Variants in MEGF11 observed in about 807,000 individuals in gnomAD.
MEGF11 encodes the protein multiple epidermal growth factor-like domains protein 11.
A neutral mutation model predicts 146.6 loss-of-function variants in MEGF11; 126 were observed. The observed-to-expected ratio is 0.86, with a 90% confidence interval of 0.74 to 1.00. MEGF11 has a LOEUF of 1.00. MEGF11 is among the 50% of genes least tolerant of loss of function. The pLI, the probability that MEGF11 is intolerant of heterozygous loss-of-function variation, is 0.00. For synonymous variants in MEGF11, 532 were observed against 583.4 expected (o/e 0.91, Z 1.27); for missense variants, 1,509 against 1,521.2 (o/e 0.99, Z 0.13).
rs190003183 is a variant in MEGF11, at chr15:66,164,232, G to T, written c.-8-35821C>A. ...GTGGCAGAGAGGTCTGATGGCAGAA[G>T]TTCAATGGATGGACAGAGAAGGGCC... On this transcript the variant is annotated intron_variant, in intron 1 of 25. Transcript: ENST00000395614. 1.1e-4 allele frequency among the ~76,000 whole-genome samples: 17 copies of T among 152,218 alleles called. No homozygotes were observed. In the East Asian group the frequency reaches 2.7e-3, roughly 24 times the overall value.
intron 5 of MEGF11, among the ~76,000 whole-genome samples, chr15:66,036,331 C>A (rs2083724931): frequency 6.6e-6 from 1 of 152,254 alleles, no homozygotes; most frequent in Non-Finnish European, 1.5e-5. Flanking sequence ...AAGCTCCCTG[C>A]ACACTGGTTC....
At chr15:66,246,082 C>A (rs1011437403) in intron 1 of MEGF11, among the ~76,000 whole-genome samples, 1 of 151,984 alleles carries the variant, frequency 6.6e-6, no homozygotes, top group Non-Finnish European at 1.5e-5. Flanking sequence ...CACAGTGAGA[C>A]CCTTTCTCTA....
chr15:66,240,907 G>A (rs2092196267), intron 1 of MEGF11, among the ~76,000 whole-genome samples: 1 of 152,174 alleles, frequency 6.6e-6, no homozygotes, highest in South Asian at 2.1e-4. Flanking sequence ...TATTAAGTAT[G>A]TATTAGATGT....
chr15:66,071,337 C>T (rs1189372566), intron 5 of MEGF11, among the ~76,000 whole-genome samples: 5 of 152,138 alleles, frequency 3.3e-5, no homozygotes, highest in African/African-American at 1.2e-4. Context: ...GGGTGCCGTG[C>T]CAGCCTCTGA....
At chr15:66,068,670 C>A (rs1337428827) in intron 5 of MEGF11, among the ~76,000 whole-genome samples, 1 of 152,216 alleles carries the variant, frequency 6.6e-6, no homozygotes, top group African/African-American at 2.4e-5. Flanking sequence ...GTCCAAGCCT[C>A]TTCCATCAGG....
At chr15:66,117,602 C>T (rs2087792737) in intron 4 of MEGF11, among the ~76,000 whole-genome samples, 1 of 152,224 alleles carries the variant, frequency 6.6e-6, no homozygotes, top group South Asian at 2.1e-4. Flanking sequence ...GAGTCCATCA[C>T]TGGGCCCTGA....
intron 4 of MEGF11, among the ~76,000 whole-genome samples, chr15:66,095,504 G>C (rs2086506743): frequency 6.6e-6 from 1 of 152,246 alleles, no homozygotes; most frequent in South Asian, 2.1e-4. Flanking sequence ...GCCTGGGCTA[G>C]GGGAGCAGAT....
At chr15:65,935,322 G>GAAAAAAAAAAAAAAAAAAA (rs71139449) in intron 10 of MEGF11, among the ~76,000 whole-genome samples, 1 of 35,204 alleles carries the variant, frequency 2.8e-5, no homozygotes, top group Non-Finnish European at 4.8e-5. Flanking sequence ...TCCGTCTCAA[G>GAAAAAAAAAAAAAAAAAAA]AAAAAAAAAA....
intron 1 of MEGF11, among the ~76,000 whole-genome samples, chr15:66,215,409 C>G (rs2091559748): frequency 1.3e-5 from 2 of 152,164 alleles, no homozygotes; most frequent in African/African-American, 2.4e-5. Context: ...ATTTACACAT[C>G]TTATTTCATT....
chr15:66,009,754 G>A lies in MEGF11; in HGVS notation c.395-27266C>T, dbSNP rs112749653. ...ACTACAGACACATGCCAACGTGCCT[G>A]GCTAATTTTTTTTGAATTTTTAGTA... On this transcript the variant is annotated intron_variant, in intron 5 of 25. Coordinates refer to ENST00000395614, the MANE Select transcript of MEGF11 (RefSeq NM_001385028.1). 2.0e-3 allele frequency among the ~76,000 whole-genome samples: 308 copies of A among 151,984 alleles called. 3 individuals carry two copies. Among genetic ancestry groups the A allele is most frequent in the African/African-American group, 7.1e-3 (294 of 41,478 alleles).
At chr15:66,048,439 C>G (rs924809900) in intron 5 of MEGF11, among the ~76,000 whole-genome samples, 1 of 152,254 alleles carries the variant, frequency 6.6e-6, no homozygotes, top group Non-Finnish European at 1.5e-5. Flanking sequence ...TGGATTTCAA[C>G]AAGGGACAGA....
At chr15:66,027,838 C>T (rs962120043) in intron 5 of MEGF11, among the ~76,000 whole-genome samples, 3 of 152,176 alleles carry the variant, frequency 2.0e-5, no homozygotes, top group Non-Finnish European at 2.9e-5. Context: ...CCCAGGCTAG[C>T]GTTCTTAAGC....
chr15:66,066,986 T>G (rs891602572), intron 5 of MEGF11, among the ~76,000 whole-genome samples: 2 of 152,230 alleles, frequency 1.3e-5, no homozygotes, highest in East Asian at 3.8e-4. Context: ...CTAATCTGCC[T>G]GCGCCCAGCT....
At chr15:65,920,379 C>T (rs941387180) in intron 15 of MEGF11, among the ~76,000 whole-genome samples, 14 of 152,366 alleles carry the variant, frequency 9.2e-5, no homozygotes, top group East Asian at 1.9e-4. Context: ...CCAGCCTCTT[C>T]TTTCCTACCT....
At chr15:66,102,319 CA>C (rs1353035972) in intron 4 of MEGF11, among the ~76,000 whole-genome samples, 5 of 150,292 alleles carry the variant, frequency 3.3e-5, no homozygotes, top group Non-Finnish European at 5.9e-5. Flanking sequence ...CAAGCAGAGC[CA>C]TGACTAGGCT....
intron 1 of MEGF11, among the ~76,000 whole-genome samples, chr15:66,164,170 A>T (rs2090035881): frequency 6.6e-6 from 1 of 152,150 alleles, no homozygotes; most frequent in Non-Finnish European, 1.5e-5. Flanking sequence ...ATGTTTCTGG[A>T]GGCTGGAAGT....
chr15:66,236,223 C>T (rs556340819), intron 1 of MEGF11, among the ~76,000 whole-genome samples: 1 of 152,100 alleles, frequency 6.6e-6, no homozygotes, highest in East Asian at 1.9e-4. Context: ...GGACCAGAAG[C>T]GGCTTGGTGC....
intron 1 of MEGF11, among the ~76,000 whole-genome samples, chr15:66,155,919 A>G (rs761839823): frequency 6.6e-6 from 1 of 152,176 alleles, no homozygotes; most frequent in Non-Finnish European, 1.5e-5. Context: ...TTTTCCAGGC[A>G]TGTGGTGGGA....
At chr15:65,984,405 A>G (rs112126245) in intron 5 of MEGF11, among the ~76,000 whole-genome samples, 27,150 of 151,338 alleles carry the variant, frequency 0.18, 2,702 homozygotes, top group Non-Finnish European at 0.23. Context: ...ATGCGCCTGT[A>G]GTCCCAGCTA....
Sources: gnomAD v4.1 joint callset for allele counts (sites outside exome capture counted in the v4.1 genomes callset) on GRCh38, gnomAD v4.1.1 for gene constraint, MANE v1.5 for transcripts, NCBI Gene and HGNC (gene_info 2026-07-23, HGNC 2026-07-21) for gene names.